ASB3: variants seen among roughly 807,000 people sequenced by gnomAD.
ASB3 encodes ankyrin repeat and SOCS box protein 3.
A neutral mutation model predicts 54.5 loss-of-function variants in ASB3; 41 were observed. The observed-to-expected ratio is 0.75, with a 90% CI of 0.59 to 0.98. The LOEUF is 0.98. ASB3 is among the 50% of genes least tolerant of loss of function. The probability of loss-of-function intolerance (pLI) is 0.00; values close to 1 mark genes in which losing one functional copy is unlikely to be tolerated. For synonymous variants in ASB3, 266 were observed against 221.2 expected (o/e 1.20, Z -1.80); for missense variants, 733 against 620.0 (o/e 1.18, Z -1.94).
chr2:53,681,656 AT>A (rs1365375575), intron 9 of ASB3, among the ~76,000 whole-genome samples: 1 of 152,256 alleles, frequency 6.6e-6, no homozygotes. Context: ...TTTGTTGAAA[AT>A]GAGTTCACTG....
At chr2:53,707,729 A>AG (rs1387070392) in intron 7 of ASB3, among the ~76,000 whole-genome samples, 1 of 151,808 alleles carries the variant, frequency 6.6e-6, no homozygotes, top group Non-Finnish European at 1.5e-5. Context: ...TGGGAGGTGA[A>AG]GGGGGGCAGA....
chr2:53,707,957 G>T (rs1381790888), intron 7 of ASB3, among the ~76,000 whole-genome samples: 1 of 102,452 alleles, frequency 9.8e-6, no homozygotes, highest in African/African-American at 4.2e-5. Context: ...GTCAGACTCT[G>T]TCTCAAAAAA....
At chr2:53,674,204 A>C (rs778804762) in intron 9 of ASB3, among the ~76,000 whole-genome samples, 4 of 152,204 alleles carry the variant, frequency 2.6e-5, no homozygotes, top group Non-Finnish European at 4.4e-5. Context: ...TTTGTTAAAT[A>C]CATCTCCATG....
At chr2:53,782,301 G>A (rs367804657) in intron 1 of ASB3, among the ~76,000 whole-genome samples, 28 of 152,302 alleles carry the variant, frequency 1.8e-4, no homozygotes, top group Middle Eastern at 6.8e-3. Context: ...TTCTGGAAGA[G>A]AAAGCAGGTA....
chr2:53,722,053 G>C (rs1384753233), intron 5 of ASB3, among the ~76,000 whole-genome samples: 1 of 151,858 alleles, frequency 6.6e-6, no homozygotes, highest in Non-Finnish European at 1.5e-5. Context: ...AGACTATTAC[G>C]AACACCTCAA....
intron 9 of ASB3, among the ~76,000 whole-genome samples, chr2:53,679,698 T>C (rs1209892607): frequency 1.3e-5 from 2 of 152,196 alleles, no homozygotes; most frequent in African/African-American, 2.4e-5. Flanking sequence ...TTAGCCACTG[T>C]ACTAATCAAA....
At chr2:53,698,945 T>C (rs566845918) in intron 8 of ASB3, among the ~76,000 whole-genome samples, 2 of 152,368 alleles carry the variant, frequency 1.3e-5, no homozygotes, top group African/African-American at 4.8e-5. Context: ...GTAATCGTTA[T>C]GAGCAACAGC....
At chr2:53,681,475 T>A (rs1173504626) in intron 9 of ASB3, among the ~76,000 whole-genome samples, 1 of 152,214 alleles carries the variant, frequency 6.6e-6, no homozygotes, top group Admixed American at 6.5e-5. Context: ...GTTTCCCCAA[T>A]GTTTTCTTTT....
In ASB3 at chr2:53,708,002, AAAAG is replaced by A. The variant is rs777339857; in HGVS notation, c.980+6378_980+6381del. The stretch of plus-strand genomic sequence containing the variant: ...AGAAAGAAAGAAAGAAAAGAAAAGA[AAAAG>A]AAAGAAATGCAGAATATCAGTCCCC... On this transcript the variant is annotated intron_variant, in intron 7 of 9. Transcript: ENST00000263634. Among the ~76,000 whole-genome samples, 30 of 151,986 alleles carry A rather than the reference AAAAG, an allele frequency of 2.0e-4. No homozygotes were observed. In the East Asian group the frequency reaches 5.6e-3, roughly 28 times the overall value.
intron 2 of ASB3, 51 bp from the exon 3 acceptor site, chr2:53,750,992 G>A: frequency 2.9e-6 from 4 of 1,402,360 alleles, no homozygotes; most frequent in South Asian, 2.0e-5. Flanking sequence ...TCTATTTCCT[G>A]GTTTTAAAAA....
intron 1 of ASB3, chr2:53,774,345 A>G: frequency 6.2e-7 from 1 of 1,613,482 alleles, no homozygotes; most frequent in Non-Finnish European, 8.5e-7. Flanking sequence ...CACCTCTGGA[A>G]GACATTGCTG....
intron 5 of ASB3, among the ~76,000 whole-genome samples, chr2:53,721,952 TA>T (rs1024863148): frequency 2.0e-5 from 3 of 151,442 alleles, no homozygotes; most frequent in East Asian, 3.9e-4. Flanking sequence ...GCTAGCTAGA[TA>T]AAAAAAAGAG....
chr2:53,678,089 T>C (rs1668177392), intron 9 of ASB3, among the ~76,000 whole-genome samples: 1 of 152,188 alleles, frequency 6.6e-6, no homozygotes, highest in Non-Finnish European at 1.5e-5. Flanking sequence ...AAGTGATTAC[T>C]ACAGTCAAAC....
chr2:53,778,149 C>CAAA (rs34356077), intron 1 of ASB3, among the ~76,000 whole-genome samples: 6 of 62,556 alleles, frequency 9.6e-5, no homozygotes, highest in Non-Finnish European at 1.4e-4. Context: ...ATTCTTGTCT[C>CAAA]AAAAAAAAAA....
At chr2:53,683,408 C>T (rs1333808557) in intron 9 of ASB3, among the ~76,000 whole-genome samples, 2 of 149,514 alleles carry the variant, frequency 1.3e-5, no homozygotes, top group East Asian at 3.9e-4. Flanking sequence ...GGATACTGGC[C>T]TGTAGTGTTT....
intron 7 of ASB3, among the ~76,000 whole-genome samples, chr2:53,701,630 G>T (rs1431336475): frequency 6.6e-6 from 1 of 152,128 alleles, no homozygotes; most frequent in Non-Finnish European, 1.5e-5. Context: ...GAAAAAAACT[G>T]AGAAACCTCC....
rs1295678016 is a variant in ASB3, at chr2:53,786,911, C to A, written c.-104G>T. ...AGAAGCCCCCGCTTTCGATCCCCAC[C>A]GCGATGCTGCAGCCGTCCGAAAACG... is the stretch of plus-strand genomic sequence containing the variant. On this transcript the variant is annotated 5_prime_UTR_variant, in exon 1 of 10. Coordinates refer to ENST00000263634, the MANE Select transcript of ASB3 (RefSeq NM_016115.5). 2.7e-6 allele frequency: 1 copy of A among 366,872 alleles called. No individual in the cohort carries two copies. The highest frequency in any genetic ancestry group is 4.4e-5 in the East Asian group (1 of 22,742). 22.7% of individuals were successfully genotyped at this position (366,872 alleles called of 1,614,324 possible). A position where few individuals can be genotyped will look rare whatever the true frequency, so the allele number is the denominator to read the frequency against.
intron 7 of ASB3, among the ~76,000 whole-genome samples, chr2:53,713,805 C>G (rs1409517956): frequency 6.6e-6 from 1 of 151,924 alleles, no homozygotes; most frequent in African/African-American, 2.4e-5. Flanking sequence ...CCCAGCTACT[C>G]TGGAGGCTGA....
chr2:53,741,425 C>T (rs1277252415), intron 3 of ASB3, among the ~76,000 whole-genome samples: 1 of 152,218 alleles, frequency 6.6e-6, no homozygotes, highest in East Asian at 1.9e-4. Flanking sequence ...ATATAAACAA[C>T]TATGTCTCTA....
Sources: allele counts gnomAD v4.1 joint callset (sites outside exome capture counted in the v4.1 genomes callset), GRCh38; gene constraint gnomAD v4.1.1; transcripts MANE v1.5; gene names NCBI Gene and HGNC (gene_info 2026-07-23, HGNC 2026-07-21).